ZNRF1: variants seen among roughly 807,000 people sequenced by gnomAD.
The protein encoded by ZNRF1 is zinc and ring finger 1, also known as E3 ubiquitin-protein ligase ZNRF1.
In ZNRF1, 3 loss-of-function variants were observed where a neutral mutation model predicts 18.4. The observed-to-expected ratio is 0.16, with a 90% CI of 0.07 to 0.42. The LOEUF (loss-of-function observed/expected upper bound fraction) is 0.42. Ranked by LOEUF, ZNRF1 falls within the 10% of genes least tolerant of loss-of-function variation. The pLI is 0.99. For synonymous variants in ZNRF1, 157 were observed against 144.2 expected, an observed-to-expected ratio of 1.09 and a Z score of -0.64; for missense variants, 310 against 329.8, an observed-to-expected ratio of 0.94 and a Z score of 0.47.
At position 75,074,799 on chromosome 16, in the gene ZNRF1, G is replaced by A. The variant is rs568144435; in HGVS notation, c.425-18773G>A. ...AAGGTTTTTTTAGGCCCAGTGCAGT[G>A]GCTCATGCCTATAATCCCAGCTCTT... is the stretch of plus-strand genomic sequence containing the variant. On this transcript the variant is annotated intron_variant, in intron 1 of 4. Coordinates refer to ENST00000335325, the MANE Select transcript of ZNRF1 (RefSeq NM_032268.5). Among the ~76,000 whole-genome samples, 540 of 152,214 alleles carry A rather than the reference G, an allele frequency of 3.5e-3. 3 individuals carry two copies. The highest frequency in any genetic ancestry group is 0.012 in the African/African-American group (491 of 41,524).
chr16:74,999,802 TG>T lies in ZNRF1; in HGVS notation c.135del (p.Leu46CysfsTer117). ...FGHYRTGGGA[M>X]GLRSRSVSSV... ...CACTACCGGACGGGCGGCGGGGCCA[TG>T]GGGCTGCGCAGCCGCTCGGTCAGCT... On this transcript the variant is annotated frameshift_variant, in exon 1 of 5. Coordinates refer to ENST00000335325, the MANE Select transcript of ZNRF1 (RefSeq NM_032268.5). LOFTEE classifies it high-confidence loss of function. 1 of 1,428,386 alleles carries T rather than the reference TG, an allele frequency of 7.0e-7. No individual in the cohort carries two copies. 88.5% of individuals were successfully genotyped at this position (1,428,386 alleles called of 1,614,324 possible).
intron 1 of ZNRF1, among the ~76,000 whole-genome samples, chr16:75,058,491 C>CA (rs1345437831): frequency 1.6e-4 from 24 of 152,282 alleles, no homozygotes; most frequent in African/African-American, 5.8e-4. Context: ...AGGAGAATAA[C>CA]AGAGTAGCCA....
At chr16:75,012,919 G>C (rs2035017786) in intron 1 of ZNRF1, among the ~76,000 whole-genome samples, 1 of 152,158 alleles carries the variant, frequency 6.6e-6, no homozygotes, top group Non-Finnish European at 1.5e-5. Context: ...TCAATAAAGG[G>C]GAAACAGGAA....
intron 1 of ZNRF1, among the ~76,000 whole-genome samples, chr16:75,090,211 C>T (rs1301122541): frequency 5.9e-5 from 9 of 152,190 alleles, no homozygotes; most frequent in East Asian, 1.9e-4. Context: ...ATCTGTGAGA[C>T]GCAGGTTTAC....
intron 1 of ZNRF1, among the ~76,000 whole-genome samples, chr16:75,002,137 C>T (rs749448040): frequency 6.6e-6 from 1 of 152,180 alleles, no homozygotes; most frequent in Non-Finnish European, 1.5e-5. Context: ...TTCCCAAATG[C>T]CCTCTGGGGT....
Position 74,999,979 on chromosome 16 carries a change from A to G in ZNRF1, c.308A>G (p.Tyr103Cys), listed in dbSNP as rs1413194433. ...TCCACCTATGCCCATGGCAATGGTT[A>G]CCAGGAGACGGGCGGCGGTCACCAT... is the stretch of plus-strand genomic sequence containing the variant. ...SDSTYAHGNG[Y>C]QETGGGHHRD... The change falls in exon 1 of 5, where the codon TAC (tyrosine) becomes TGC (cysteine). Residue 103 changes from tyrosine (Y) to cysteine (C), a missense_variant. By Grantham distance (194) the Tyr-to-Cys change is radical. Coordinates refer to ENST00000335325, the MANE Select transcript of ZNRF1 (RefSeq NM_032268.5). The G allele has an allele frequency of 1.3e-6, 2 of 1,584,382 alleles. No individual in the cohort carries two copies. The highest frequency in any genetic ancestry group is 1.7e-6 in the Non-Finnish European group (2 of 1,166,342).
chr16:75,089,262 C>A (rs118120631), intron 1 of ZNRF1, among the ~76,000 whole-genome samples: 4,632 of 152,052 alleles, frequency 0.03, 104 homozygotes, highest in Non-Finnish European at 0.048. Context: ...ACCACCATGC[C>A]CAGCTAATTA....
intron 2 of ZNRF1, 114 bp from the exon 3 acceptor site, chr16:75,104,670 C>T (rs1202835531): frequency 7.1e-6 from 6 of 843,970 alleles, no homozygotes; most frequent in East Asian, 5.4e-5. Flanking sequence ...CCTGCAGAGC[C>T]GGGCACAGCT....
intron 1 of ZNRF1, among the ~76,000 whole-genome samples, chr16:75,024,576 TCAAA>T (rs987386862): frequency 5.3e-5 from 8 of 152,138 alleles, no homozygotes; most frequent in Non-Finnish European, 1.2e-4. Flanking sequence ...GAAATTAATC[TCAAA>T]CAAAAAAGAT....
At chr16:75,105,756 A>G (rs1214039278) in intron 3 of ZNRF1, 1 of 152,232 alleles carries the variant, frequency 6.6e-6, no homozygotes, top group Non-Finnish European at 1.5e-5. Flanking sequence ...TATGCCAATT[A>G]TCTGTCTGGT....
At chr16:75,057,194 TC>T (rs774788941) in intron 1 of ZNRF1, among the ~76,000 whole-genome samples, 2 of 152,216 alleles carry the variant, frequency 1.3e-5, no homozygotes, top group East Asian at 3.8e-4. Context: ...CTGCTGCATG[TC>T]CCTGCTCCTT....
chr16:75,061,150 G>A lies in ZNRF1; in HGVS notation c.425-32422G>A, dbSNP rs373524777. 4.1e-4 allele frequency among the ~76,000 whole-genome samples: 62 copies of A among 152,270 alleles called. 2 individuals are homozygous for A. The highest frequency in any genetic ancestry group is 1.5e-3 in the African/African-American group (61 of 41,548). On this transcript the variant is annotated intron_variant, in intron 1 of 4. Transcript: ENST00000335325. ...ATCCCCTCAAGCATTTATCCTTTGA[G>A]TTACACACGAAACAATTACACTCTT...
chr16:75,003,483 CTG>C (rs1480996930), intron 1 of ZNRF1, among the ~76,000 whole-genome samples: 1 of 152,144 alleles, frequency 6.6e-6, no homozygotes, highest in African/African-American at 2.4e-5. Context: ...TGGAGTAAGA[CTG>C]TTCTCTCCCA....
chr16:75,066,863 A>G (rs1029800717), intron 1 of ZNRF1, among the ~76,000 whole-genome samples: 2 of 152,122 alleles, frequency 1.3e-5, no homozygotes, highest in African/African-American at 4.8e-5. Context: ...ATTCAGGGCT[A>G]TTTCAGTAAC....
intron 1 of ZNRF1, among the ~76,000 whole-genome samples, chr16:75,072,409 C>A: frequency 6.6e-6 from 1 of 152,296 alleles, no homozygotes; most frequent in Admixed American, 6.5e-5. Context: ...TGCCTTGTCC[C>A]TGTCGTAATG....
intron 1 of ZNRF1, among the ~76,000 whole-genome samples, chr16:75,038,343 C>G (rs2035400185): frequency 6.6e-6 from 1 of 152,128 alleles, no homozygotes; most frequent in Non-Finnish European, 1.5e-5. Context: ...CCTTCTCTCT[C>G]TCGCTGTGGC....
At chr16:75,030,158 C>G (rs896290138) in intron 1 of ZNRF1, among the ~76,000 whole-genome samples, 5 of 151,228 alleles carry the variant, frequency 3.3e-5, no homozygotes, top group African/African-American at 9.7e-5. Flanking sequence ...TTAGTATATT[C>G]TGAGAATTGT....
intron 1 of ZNRF1, among the ~76,000 whole-genome samples, chr16:75,012,695 G>C (rs377650546): frequency 1.3e-5 from 2 of 152,176 alleles, no homozygotes; most frequent in African/African-American, 4.8e-5. Context: ...CCAACCTAGC[G>C]TGAGTTTTAG....
At chr16:75,107,273 T>G (rs111265902) in intron 4 of ZNRF1, 193 of 188,674 alleles carry the variant, frequency 1.0e-3, no homozygotes, top group Non-Finnish European at 1.8e-3. Context: ...CTCCAAGTTC[T>G]GGGCTGGCAT....
Sources: gnomAD v4.1 joint callset for allele counts (sites outside exome capture counted in the v4.1 genomes callset) on GRCh38, gnomAD v4.1.1 for gene constraint, MANE v1.5 for transcripts, NCBI Gene and HGNC (gene_info 2026-07-23, HGNC 2026-07-21) for gene names.